The following ITPR1 variants were observed in gnomAD, a reference collection of about 807,000 sequenced individuals.
ITPR1 encodes inositol 1,4,5-trisphosphate-gated calcium channel ITPR1.
Under a neutral mutation model 318.4 loss-of-function variants are expected in ITPR1, and 96 were observed. The ratio of observed to expected loss-of-function variants is 0.30; its 90% CI spans 0.26 to 0.36. The LOEUF (loss-of-function observed/expected upper bound fraction) is 0.36, where lower values mean the gene tolerates loss of function less well. Ranked by LOEUF, ITPR1 falls within the 10% of genes least tolerant of loss-of-function variation. ITPR1 has a pLI of 1.00. For missense variants in ITPR1, 2,440 were observed against 3,460.2 expected, an observed-to-expected ratio of 0.71 and a Z score of 7.40; for synonymous variants, 1,312 against 1,289.9, an observed-to-expected ratio of 1.02 and a Z score of -0.37.
rs1322796318 is a variant in ITPR1 at position 4,665,285 on chromosome 3, A to G, written c.1702A>G (p.Arg568Gly). The G allele has an allele frequency of 6.2e-7, 1 of 1,610,912 alleles. No individual in the cohort carries two copies. The change falls in exon 17 of 62, where the codon AGG (arginine) becomes GGG (glycine). Residue 568 changes from arginine (R) to glycine (G), a missense_variant. Physicochemically the swap from Arg to Gly is moderately radical, Grantham distance 125. This residue lies in a region of ITPR1 where 478 missense variants were observed against 696.3 expected (regional missense o/e 0.69). Coordinates refer to ENST00000649015, the MANE Select transcript of ITPR1 (RefSeq NM_001378452.1). ...GCTGAGACACTCGCAGCAAGACTAC[A>G]GGAAGAACCAGGTTTGGATTAAGCA... The part of the protein sequence containing the change: ...RVLRHSQQDY[R>G]KNQEYIAKQF...
chr3:4,683,786 T>A lies in ITPR1; in HGVS notation c.3486T>A (p.His1162Gln). The change falls in exon 28 of 62, where the codon CAT (histidine) becomes CAA (glutamine). Residue 1162 changes from histidine to glutamine, a missense_variant. Coordinates refer to ENST00000649015, the MANE Select transcript of ITPR1 (RefSeq NM_001378452.1). ...TMDGASGENE[H>Q]KKTEEGNNKP... ...ATGGTGCATCTGGAGAAAATGAACA[T>A]AAGAAAACGGAGGTGAGTGAAACAC... The A allele has an allele frequency of 6.2e-7, 1 of 1,613,550 alleles. No individual in the cohort carries two copies. The highest frequency in any genetic ancestry group is 8.5e-7 in the Non-Finnish European group (1 of 1,179,622).
At chr3:4,549,612 C>T (rs1178318924) in intron 4 of ITPR1, among the ~76,000 whole-genome samples, 4 of 151,392 alleles carry the variant, frequency 2.6e-5, no homozygotes, top group Admixed American at 2.0e-4. Flanking sequence ...TGAATTTTTT[C>T]CCAAGTGCCT....
At chr3:4,553,179 G>A (rs775659090) in intron 4 of ITPR1, among the ~76,000 whole-genome samples, 10 of 152,238 alleles carry the variant, frequency 6.6e-5, no homozygotes, top group Admixed American at 2.0e-4. Flanking sequence ...AAAAACTTAC[G>A]GAGAAGGCAT....
intron 52 of ITPR1, 80 bp downstream of exon 52, chr3:4,788,219 T>C (rs1220748438): frequency 1.8e-6 from 2 of 1,117,130 alleles, no homozygotes; most frequent in East Asian, 2.6e-5. Context: ...GGTGCGTTCA[T>C]TTCCAAGCAG....
intron 4 of ITPR1, among the ~76,000 whole-genome samples, chr3:4,562,718 T>C (rs1292413291): frequency 8.8e-6 from 1 of 113,128 alleles, no homozygotes; most frequent in Non-Finnish European, 1.8e-5. Context: ...TTGAAGGTGG[T>C]ACGCATTCAT....
At chr3:4,691,047 G>A (rs2094472073) in intron 31 of ITPR1, 97 bp from the exon 32 acceptor site, 4 of 721,156 alleles carry the variant, frequency 5.5e-6, no homozygotes, top group Non-Finnish European at 8.8e-6. Flanking sequence ...TGCTTCCCTT[G>A]TGTGTGTTTC....
At chr3:4,603,470 C>T (rs1205111858) in intron 4 of ITPR1, among the ~76,000 whole-genome samples, 1 of 152,046 alleles carries the variant, frequency 6.6e-6, no homozygotes, top group Non-Finnish European at 1.5e-5. Flanking sequence ...CCTTCTGTCA[C>T]CCAGGCTGGA....
At chr3:4,654,003 A>G in intron 12 of ITPR1, 117 bp downstream of exon 12, 1 of 682,286 alleles carries the variant, frequency 1.5e-6, no homozygotes, top group Non-Finnish European at 2.5e-6. Context: ...GAGGAACCTT[A>G]GGCTCCCTTA....
chr3:4,720,578 T>G (rs957803565), intron 40 of ITPR1, among the ~76,000 whole-genome samples: 1 of 152,202 alleles, frequency 6.6e-6, no homozygotes, highest in Non-Finnish European at 1.5e-5. Flanking sequence ...TCTACGTATT[T>G]GAGATGTGAT....
At chr3:4,532,736 C>G (rs147411688) in intron 4 of ITPR1, among the ~76,000 whole-genome samples, 122 of 152,286 alleles carry the variant, frequency 8.0e-4, no homozygotes, top group Middle Eastern at 6.8e-3. Context: ...TGACTGTTAT[C>G]TTCCCTTATT....
chr3:4,742,914 T>C (rs1233953672), intron 44 of ITPR1, among the ~76,000 whole-genome samples: 1 of 152,234 alleles, frequency 6.6e-6, no homozygotes, highest in Non-Finnish European at 1.5e-5. Flanking sequence ...ATTTTCACAC[T>C]CAATTGACCC....
chr3:4,663,430 G>C (rs2093880792), intron 16 of ITPR1, among the ~76,000 whole-genome samples: 1 of 152,240 alleles, frequency 6.6e-6, no homozygotes, highest in South Asian at 2.1e-4. Context: ...AAATCAATGG[G>C]ATCATTGAGG....
chr3:4,545,407 G>C (rs2084874593), intron 4 of ITPR1, among the ~76,000 whole-genome samples: 1 of 151,990 alleles, frequency 6.6e-6, no homozygotes, highest in Admixed American at 6.5e-5. Context: ...AGGATCACTT[G>C]AGCCCAGGAG....
intron 56 of ITPR1, among the ~76,000 whole-genome samples, chr3:4,811,956 C>A (rs2048965794): frequency 6.6e-6 from 1 of 151,686 alleles, no homozygotes; most frequent in Non-Finnish European, 1.5e-5. Context: ...ATAGGTACAT[C>A]TTTAGAAACC....
rs55946983 is a variant in ITPR1 at position 4,726,920 on chromosome 3, G to A, written c.5173-206G>A. Among the ~76,000 whole-genome samples, 4,934 of 152,258 alleles carry A rather than the reference G, an allele frequency of 0.032. 117 individuals carry two copies. The highest frequency in any genetic ancestry group is 0.068 in the Middle Eastern group (20 of 294). On this transcript the variant is annotated intron_variant, in intron 41 of 61. Transcript: ENST00000649015. ...TGCCCATTTTGAACAGTGCACTAGG[G>A]TTGGGGGTATGGGACAGTCGTTAAG... is the stretch of plus-strand genomic sequence containing the variant.
chr3:4,826,502 G>C lies in ITPR1; in HGVS notation c.8028+8260G>C, dbSNP rs181381370. Among the ~76,000 whole-genome samples the C allele has an allele frequency of 6.6e-6, 1 of 152,300 alleles. No homozygotes were observed. The highest frequency in any genetic ancestry group is 1.9e-4 in the East Asian group (1 of 5,174). On this transcript the variant is annotated intron_variant, in intron 60 of 61. Transcript: ENST00000649015. The surrounding 1 kb of genome is among the most constrained non-coding windows in gnomAD (Gnocchi z 4.2). ...AGAGGGATTTGGCACTGGCTTCCCG[G>C]TGGCTGGAAACAGTGTGTCAGCGTC...
chr3:4,771,866 C>A (rs1217128586), intron 46 of ITPR1, among the ~76,000 whole-genome samples: 1 of 152,084 alleles, frequency 6.6e-6, no homozygotes, highest in Non-Finnish European at 1.5e-5. Context: ...ATACTAAGTA[C>A]AGCAGAGGAG....
chr3:4,562,645 C>T (rs138828777), intron 4 of ITPR1, among the ~76,000 whole-genome samples: 6 of 152,008 alleles, frequency 3.9e-5, no homozygotes, highest in South Asian at 2.1e-4. Flanking sequence ...ATAATTGCAC[C>T]GGCTAGTGGT....
chr3:4,675,736 T>TTA (rs1221036532), intron 23 of ITPR1, among the ~76,000 whole-genome samples: 1 of 152,250 alleles, frequency 6.6e-6, no homozygotes, highest in Non-Finnish European at 1.5e-5. Flanking sequence ...CTTTGCATGT[T>TTA]TATTTCTTCC....
Sources: gnomAD v4.1 joint callset for allele counts (sites outside exome capture counted in the v4.1 genomes callset) on GRCh38, gnomAD v4.1.1 for gene constraint, gnomAD v4.1.1 regional missense constraint, Gnocchi (gnomAD v3.1) non-coding constraint, MANE v1.5 for transcripts, NCBI Gene and HGNC (gene_info 2026-07-23, HGNC 2026-07-21) for gene names.